TMEM120B: variants seen among roughly 807,000 people sequenced by gnomAD.
The protein encoded by TMEM120B is transmembrane protein 120B.
A neutral mutation model predicts 55.5 loss-of-function variants in TMEM120B; 31 were observed. That is an observed-to-expected ratio of 0.56 (90% CI 0.42 to 0.75). The LOEUF is 0.75. TMEM120B is among the 30% of genes least tolerant of loss of function. The probability of loss-of-function intolerance (pLI) is 0.00; values close to 1 mark genes in which losing one functional copy is unlikely to be tolerated. For missense variants in TMEM120B, 399 were observed against 425.5 expected (o/e 0.94, Z 0.55); for synonymous variants, 203 against 176.3 (o/e 1.15, Z -1.20).
chr12:121,733,220 C>T (rs1448763591), intron 1 of TMEM120B, among the ~76,000 whole-genome samples: 1 of 152,048 alleles, frequency 6.6e-6, no homozygotes. Flanking sequence ...ATGCATACCA[C>T]TAAAGAGTGG....
At chr12:121,754,457 A>G (rs1326207286) in intron 5 of TMEM120B, among the ~76,000 whole-genome samples, 1 of 152,180 alleles carries the variant, frequency 6.6e-6, no homozygotes, top group Non-Finnish European at 1.5e-5. Context: ...AACGACAGAC[A>G]CATTTTCCCA....
At position 121,713,187 on chromosome 12, in the gene TMEM120B, C is replaced by T. The variant is rs770692930; in HGVS notation, c.69+223C>T. ...GGGTCGCAGCCCCCTCTTCCGCCGC[C>T]CTCCCACTGGCTCTCTGCTCCACGC... is the stretch of plus-strand genomic sequence containing the variant. On this transcript the variant is annotated intron_variant, in intron 1 of 11. Transcript: ENST00000449592. Among the ~76,000 whole-genome samples, 72 of 152,178 alleles carry T rather than the reference C, an allele frequency of 4.7e-4. 1 individual carries two copies. The highest frequency in any genetic ancestry group is 8.4e-4 in the Non-Finnish European group (57 of 68,034).
chr12:121,777,820 G>C lies in TMEM120B; in HGVS notation c.*2098G>C, dbSNP rs1310062699. 6.6e-6 allele frequency: 1 copy of C among 152,234 alleles called. No homozygotes were observed. The highest frequency in any genetic ancestry group is 2.4e-5 in the African/African-American group (1 of 41,456). 9.4% of individuals were successfully genotyped at this position (152,234 alleles called of 1,614,324 possible). On this transcript the variant is annotated 3_prime_UTR_variant, in exon 12 of 12. Coordinates refer to ENST00000449592, the MANE Select transcript of TMEM120B (RefSeq NM_001080825.2). ...GGCCAGATGTGGCCCACAGGCTGTA[G>C]TTGTTGGACCTCTACCGTAGACCAT...
chr12:121,770,968 A>T lies in TMEM120B; in HGVS notation c.613A>T (p.Thr205Ser). The T allele has an allele frequency of 6.2e-7, 1 of 1,613,794 alleles. No individual in the cohort carries two copies. The highest frequency in any genetic ancestry group is 8.5e-7 in the Non-Finnish European group (1 of 1,179,910). Reference protein sequence around the residue: ...VSTFLSGVMLTWPNGPIYQKF... With the variant: ...VSTFLSGVMLSWPNGPIYQKF... ...CACATTCCTGTCCGGAGTGATGCTG[A>T]CCTGGTGAGTAGCCCCTCGCTGGGC... is the stretch of plus-strand genomic sequence containing the variant. Residue 205 changes from threonine (T) to serine (S), a missense_variant, in exon 7 of 12, where the codon ACC (threonine) becomes TCC (serine). Physicochemically the swap from Thr to Ser is moderately conservative, Grantham distance 58. Transcript: ENST00000449592.
chr12:121,750,481 C>T (rs374007954), intron 4 of TMEM120B, 42 bp downstream of exon 4: 161 of 1,535,644 alleles, frequency 1.0e-4, no homozygotes, highest in South Asian at 4.0e-4. Context: ...CACCTCACAC[C>T]GCCCCCACAC....
intron 9 of TMEM120B, among the ~76,000 whole-genome samples, chr12:121,773,907 A>C (rs1226930216): frequency 2.0e-5 from 3 of 151,054 alleles, no homozygotes; most frequent in Non-Finnish European, 2.9e-5. Flanking sequence ...GAGACACCTC[A>C]TTGAGAATTT....
At position 121,781,305 on chromosome 12, in the gene TMEM120B, A is replaced by C. The variant is rs1172587898; in HGVS notation, c.*5583A>C. On this transcript the variant is annotated 3_prime_UTR_variant, in exon 12 of 12. Transcript: ENST00000449592. ...CCTGCCTTAGGGCCTCAATTTCCTC[A>C]TCTATACAATGGGCAGCAAGCCAGG... is the stretch of plus-strand genomic sequence containing the variant. 4 of 868,408 alleles carry C rather than the reference A, an allele frequency of 4.6e-6. No homozygotes were observed. The highest frequency in any genetic ancestry group is 2.4e-5 in the Admixed American group (1 of 42,070). 53.8% of individuals were successfully genotyped at this position (868,408 alleles called of 1,614,324 possible). A position where few individuals can be genotyped will look rare whatever the true frequency, so the allele number is the denominator to read the frequency against.
At position 121,727,031 on chromosome 12, in the gene TMEM120B, C is replaced by T. The variant is rs979444614; in HGVS notation, c.69+14067C>T. ...TGGGCAACATGGCAAACACCCATCT[C>T]TACTACAAATACAAAAATTAGTCAG... On this transcript the variant is annotated intron_variant, in intron 1 of 11. Coordinates refer to ENST00000449592, the MANE Select transcript of TMEM120B (RefSeq NM_001080825.2). Among the ~76,000 whole-genome samples the T allele has an allele frequency of 4.2e-4, 63 of 151,224 alleles. 1 individual carries two copies. Among genetic ancestry groups the T allele is most frequent in the Non-Finnish European group, 1.5e-5 (1 of 67,888 alleles).
rs1362073929 is a variant in TMEM120B, at chr12:121,779,493, C to T, written c.*3771C>T. The stretch of plus-strand genomic sequence containing the variant: ...AGTGCTGTCGTGAGGTCTGTCTGCC[C>T]TGGGTCAGAGCAGCAGGCAGAGCCG... On this transcript the variant is annotated 3_prime_UTR_variant, in exon 12 of 12. Transcript: ENST00000449592. The T allele has an allele frequency of 1.9e-6, 3 of 1,610,956 alleles. No individual in the cohort carries two copies. The South Asian group carries it at 3.3e-5, about 18-fold the overall frequency.
In TMEM120B at chr12:121,752,120, C is replaced by T. The variant is rs758907609; in HGVS notation, c.366-8C>T. ...GGGGCACACCCCTGGGCGTGTCTGT[C>T]GTGGCAGGTTCGCCTACAAGGACGA... On this transcript the variant is annotated splice_region_variant and splice_polypyrimidine_tract_variant and intron_variant, in intron 4 of 11. Transcript: ENST00000449592. 55 of 1,612,272 alleles carry T rather than the reference C, an allele frequency of 3.4e-5. No homozygotes were observed. The highest frequency in any genetic ancestry group is 4.2e-5 in the Non-Finnish European group (49 of 1,179,214).
rs1874424515 is a variant in TMEM120B, at chr12:121,780,859, G to A, written c.*5137G>A. On this transcript the variant is annotated 3_prime_UTR_variant, in exon 12 of 12. Transcript: ENST00000449592. ...AGCCACGGCTGTGCCCCAGGGTCTT[G>A]GCCCCGGCCCACCTGCATGTAGGTG... is the stretch of plus-strand genomic sequence containing the variant. The A allele has an allele frequency of 6.2e-7, 1 of 1,610,166 alleles. No individual in the cohort carries two copies. Among genetic ancestry groups the A allele is most frequent in the African/African-American group, 1.3e-5 (1 of 74,868 alleles).
chr12:121,763,197 C>T (rs1156837140), intron 6 of TMEM120B, among the ~76,000 whole-genome samples: 1 of 125,626 alleles, frequency 8.0e-6, no homozygotes, highest in Non-Finnish European at 1.6e-5. Flanking sequence ...AAGTCTTGCT[C>T]TGTCGCCCAG....
intron 1 of TMEM120B, among the ~76,000 whole-genome samples, chr12:121,731,567 T>C (rs1895003676): frequency 6.6e-6 from 1 of 152,216 alleles, no homozygotes; most frequent in South Asian, 2.1e-4. Flanking sequence ...TGCTACAGTA[T>C]TGAGTACAGT....
At chr12:121,713,054 A>G in intron 1 of TMEM120B, 90 bp downstream of exon 1, 1 of 1,149,620 alleles carries the variant, frequency 8.7e-7, no homozygotes, top group Non-Finnish European at 1.2e-6. Flanking sequence ...CGGTGGGGAC[A>G]GTCAGGGCCT....
At chr12:121,768,226 T>TCTG (rs1303848422) in intron 6 of TMEM120B, among the ~76,000 whole-genome samples, 1 of 152,206 alleles carries the variant, frequency 6.6e-6, no homozygotes, top group Non-Finnish European at 1.5e-5. Context: ...TCCTGTCACC[T>TCTG]CTGCGCTGGT....
At chr12:121,764,170 A>G (rs1385813957) in intron 6 of TMEM120B, among the ~76,000 whole-genome samples, 1 of 151,776 alleles carries the variant, frequency 6.6e-6, no homozygotes, top group Non-Finnish European at 1.5e-5. Context: ...CAAAAAAAAA[A>G]AAAAAAAATT....
rs993090751 is a variant in TMEM120B, at chr12:121,781,763, G to A, written c.*6041G>A. The A allele has an allele frequency of 1.9e-5, 3 of 154,794 alleles. No individual in the cohort carries two copies. Among genetic ancestry groups the A allele is most frequent in the Non-Finnish European group, 4.3e-5 (3 of 69,664 alleles). 9.6% of individuals were successfully genotyped at this position (154,794 alleles called of 1,614,324 possible). A position where few individuals can be genotyped will look rare whatever the true frequency, so the allele number is the denominator to read the frequency against. ...CTGGCTTCAGCCTCCAGCTTCTCAG[G>A]TTCTGATGCAGTCAGCTGAGTTCCC... On this transcript the variant is annotated 3_prime_UTR_variant, in exon 12 of 12. Transcript: ENST00000449592.
chr12:121,760,551 T>A (rs573051897), intron 5 of TMEM120B, among the ~76,000 whole-genome samples: 2 of 152,300 alleles, frequency 1.3e-5, no homozygotes, highest in South Asian at 4.1e-4. Flanking sequence ...CCTTTGCCAG[T>A]GGAATGTCCC....
intron 1 of TMEM120B, among the ~76,000 whole-genome samples, chr12:121,741,667 C>T (rs906819001): frequency 2.2e-4 from 33 of 151,904 alleles, no homozygotes; most frequent in Admixed American, 8.5e-4. Flanking sequence ...TTATTTGAGA[C>T]GGAGTCTCAC....
Sources: allele counts gnomAD v4.1 joint callset (sites outside exome capture counted in the v4.1 genomes callset), GRCh38; gene constraint gnomAD v4.1.1; transcripts MANE v1.5; gene names NCBI Gene and HGNC (gene_info 2026-07-23, HGNC 2026-07-21).